FBXW12: variants seen among roughly 807,000 people sequenced by gnomAD.
FBXW12 encodes the protein F-box/WD repeat-containing protein 12.
FBXW12 carries 43 observed loss-of-function variants against 55.3 expected under a neutral mutation model. That is an observed-to-expected ratio of 0.78 (90% CI 0.61 to 1.00). FBXW12 has a LOEUF of 1.00. Among genes scored for constraint, FBXW12 ranks in the 50% least tolerant of loss-of-function variants. The pLI, the probability that FBXW12 is intolerant of heterozygous loss-of-function variation, is 0.00. For synonymous variants in FBXW12, 184 were observed against 203.8 expected (o/e 0.90, Z 0.83); for missense variants, 524 against 560.5 (o/e 0.93, Z 0.66).
intron 10 of FBXW12, among the ~76,000 whole-genome samples, 179 bp downstream of exon 10, chr3:48,382,264 G>C (rs939818871): frequency 6.6e-6 from 1 of 152,050 alleles, no homozygotes; most frequent in African/African-American, 2.4e-5. Context: ...TTACAGGCAT[G>C]TGCCACCACA....
chr3:48,391,612 C>T (rs1025748093), intron 10 of FBXW12, among the ~76,000 whole-genome samples: 7 of 152,186 alleles, frequency 4.6e-5, no homozygotes, highest in East Asian at 3.9e-4. Flanking sequence ...TTCATTATGA[C>T]GTTGCCTGTG....
intron 7 of FBXW12, 144 bp from the exon 8 acceptor site, chr3:48,380,558 C>T: frequency 1.6e-6 from 1 of 637,140 alleles, no homozygotes. Context: ...GAGTGATAAG[C>T]AGTGACCACT....
chr3:48,392,597 G>T (rs2036945423), intron 10 of FBXW12, among the ~76,000 whole-genome samples: 1 of 152,086 alleles, frequency 6.6e-6, no homozygotes, highest in South Asian at 2.1e-4. Flanking sequence ...GACTATTTGG[G>T]GTCCTTCTAC....
Position 48,372,681 on chromosome 3 carries a change from A to C in FBXW12, c.-84-3A>C. 1 of 1,609,128 alleles carries C rather than the reference A, an allele frequency of 6.2e-7. No homozygotes were observed. Among genetic ancestry groups the C allele is most frequent in the Non-Finnish European group, 8.5e-7 (1 of 1,176,292 alleles). On this transcript the variant is annotated splice_region_variant and splice_polypyrimidine_tract_variant and intron_variant, in intron 1 of 10. Transcript: ENST00000296438. ...GATGGGCATGGGTGAAAATCTTTAC[A>C]AGTGCTGCAGACTTTGGCAAAGCCT...
At chr3:48,390,279 G>A (rs1370999764) in intron 10 of FBXW12, among the ~76,000 whole-genome samples, 1 of 151,992 alleles carries the variant, frequency 6.6e-6, no homozygotes, top group African/African-American at 2.4e-5. Flanking sequence ...TTGGCAGTTT[G>A]ATAGGAATAA....
chr3:48,378,572 GTTGTC>G (rs2036718911), intron 6 of FBXW12, 46 bp downstream of exon 6: 1 of 1,443,870 alleles, frequency 6.9e-7, no homozygotes, highest in Non-Finnish European at 9.7e-7. Flanking sequence ...TCAAATGCCT[GTTGTC>G]TTGTCAGGCA....
chr3:48,391,916 T>C (rs1449987818), intron 10 of FBXW12, among the ~76,000 whole-genome samples: 1 of 152,242 alleles, frequency 6.6e-6, no homozygotes, highest in Non-Finnish European at 1.5e-5. Context: ...TTTTTGCGTC[T>C]ATGTTCATCA....
chr3:48,388,819 G>T (rs552382001), intron 10 of FBXW12, among the ~76,000 whole-genome samples: 1 of 152,154 alleles, frequency 6.6e-6, no homozygotes, highest in South Asian at 2.1e-4. Context: ...TGATCAAATC[G>T]GGCTAATTAA....
intron 7 of FBXW12, 136 bp from the exon 8 acceptor site, chr3:48,380,565 CA>C (rs776376103): frequency 5.2e-5 from 34 of 649,378 alleles, no homozygotes; most frequent in Non-Finnish European, 9.2e-5. Context: ...AAGCAGTGAC[CA>C]CTCATCACTC....
At chr3:48,385,338 T>TTGTGTGTG (rs60689779) in intron 10 of FBXW12, among the ~76,000 whole-genome samples, 159 of 148,988 alleles carry the variant, frequency 1.1e-3, no homozygotes, top group South Asian at 4.1e-3. Context: ...TGGTATTCCA[T>TTGTGTGTG]TGTGTGTGTG....
chr3:48,391,405 T>A (rs191999130), intron 10 of FBXW12, among the ~76,000 whole-genome samples: 2 of 151,350 alleles, frequency 1.3e-5, no homozygotes, highest in African/African-American at 4.9e-5. Flanking sequence ...AAATAGATAG[T>A]TTTACTTCTT....
chr3:48,375,657 TTTG>T (rs565723697), intron 5 of FBXW12, among the ~76,000 whole-genome samples, 185 bp downstream of exon 5: 141 of 152,158 alleles, frequency 9.3e-4, no homozygotes, highest in African/African-American at 2.8e-3. Context: ...AGAATTCACT[TTTG>T]TTGTTGTTGT....
At chr3:48,375,575 A>G (rs2107153720) in intron 5 of FBXW12, 103 bp downstream of exon 5, 1 of 689,086 alleles carries the variant, frequency 1.5e-6, no homozygotes, top group Non-Finnish European at 2.5e-6. Flanking sequence ...AAGTGGTAAC[A>G]AAAACAAAGT....
chr3:48,383,473 T>C (rs958665126), intron 10 of FBXW12, among the ~76,000 whole-genome samples: 5 of 152,200 alleles, frequency 3.3e-5, no homozygotes, highest in African/African-American at 9.6e-5. Flanking sequence ...GTCCTTTATA[T>C]ATTTGGAATA....
At chr3:48,383,556 T>C (rs944218800) in intron 10 of FBXW12, among the ~76,000 whole-genome samples, 1 of 152,216 alleles carries the variant, frequency 6.6e-6, no homozygotes, top group Non-Finnish European at 1.5e-5. Flanking sequence ...CTCTTCACAG[T>C]GTCTTTCAAA....
chr3:48,372,789 T>C lies in FBXW12; in HGVS notation c.22T>C (p.Leu8=). Residue 8 remains leucine, a synonymous_variant, in exon 2 of 11, where the codon TTA becomes CTA. Coordinates refer to ENST00000296438, the MANE Select transcript of FBXW12 (RefSeq NM_207102.2). ...TGAAATGGAGATCCGATTGCCTGAC[T>C]TAGCTTTGAAGCGAATCTTCTCTTT... The part of the protein sequence containing the change: MEIRLPD[L]ALKRIFSFLD... 1 of 1,614,220 alleles carries C rather than the reference T, an allele frequency of 6.2e-7. No individual in the cohort carries two copies.
intron 2 of FBXW12, 49 bp downstream of exon 2, chr3:48,372,906 G>A (rs762073826): frequency 4.5e-5 from 70 of 1,549,898 alleles, no homozygotes; most frequent in Middle Eastern, 3.4e-4. Context: ...TGCTTCTCTC[G>A]ACCAGTTTGA....
At chr3:48,374,935 T>TTG (rs1358369288) in intron 4 of FBXW12, among the ~76,000 whole-genome samples, 1 of 151,666 alleles carries the variant, frequency 6.6e-6, no homozygotes, top group Non-Finnish European at 1.5e-5. Context: ...ATGCTAATTT[T>TTG]TGTATTTTTA....
At chr3:48,373,376 G>A in intron 3 of FBXW12, 31 bp downstream of exon 3, 1 of 1,614,158 alleles carries the variant, frequency 6.2e-7, no homozygotes, top group Non-Finnish European at 8.5e-7. Flanking sequence ...AGGAGGGAAG[G>A]GGAGAGGAGA....
Sources: allele counts gnomAD v4.1 joint callset (sites outside exome capture counted in the v4.1 genomes callset), GRCh38; gene constraint gnomAD v4.1.1; transcripts MANE v1.5; gene names NCBI Gene and HGNC (gene_info 2026-07-23, HGNC 2026-07-21).